STOX2: variants seen among roughly 807,000 people sequenced by gnomAD.
The protein encoded by STOX2 is storkhead-box protein 2.
In STOX2, 28 loss-of-function variants were observed where a neutral mutation model predicts 60.9. That is an observed-to-expected ratio of 0.46 (90% CI 0.34 to 0.63). The LOEUF is 0.63. Ranked by LOEUF, STOX2 falls within the 30% of genes least tolerant of loss-of-function variation. The pLI, the probability that STOX2 is intolerant of heterozygous loss-of-function variation, is 0.01. For missense variants in STOX2, 1,024 were observed against 1,187.7 expected (o/e 0.86, Z 2.03); for synonymous variants, 472 against 463.9 (o/e 1.02, Z -0.22).
upstream of STOX2, among the ~76,000 whole-genome samples, chr4:183,904,281 G>T (rs1354433048): frequency 6.6e-6 from 1 of 152,234 alleles, no homozygotes; most frequent in Non-Finnish European, 1.5e-5. Flanking sequence ...ACTAGAAGCT[G>T]CACGGGGTCC....
chr4:183,990,135 G>T (rs750722632), intron 1 of STOX2, among the ~76,000 whole-genome samples: 1 of 152,118 alleles, frequency 6.6e-6, no homozygotes. Flanking sequence ...GCTGAGTCAG[G>T]TTTAAAGGAT....
chr4:183,962,227 C>T (rs1436554631), intron 1 of STOX2, among the ~76,000 whole-genome samples: 1 of 152,184 alleles, frequency 6.6e-6, no homozygotes, highest in Non-Finnish European at 1.5e-5. Context: ...TTTGTTGACT[C>T]GCAGGCTGTA....
chr4:183,947,732 C>T (rs935872899), intron 1 of STOX2, among the ~76,000 whole-genome samples: 5 of 152,164 alleles, frequency 3.3e-5, no homozygotes, highest in Non-Finnish European at 7.3e-5. Flanking sequence ...CCTTCCTTGT[C>T]ATCTTCTCTG....
intron 1 of STOX2, among the ~76,000 whole-genome samples, chr4:183,910,823 G>T (rs2278474): frequency 0.55 from 83,649 of 152,070 alleles, 23,379 homozygotes; most frequent in Admixed American, 0.62. Context: ...AAGCAGTTTT[G>T]TCTGCTGGGG....
intron 1 of STOX2, among the ~76,000 whole-genome samples, chr4:183,925,496 A>G (rs984128121): frequency 6.6e-6 from 1 of 152,052 alleles, no homozygotes; most frequent in Non-Finnish European, 1.5e-5. Flanking sequence ...CCCCCGGCAC[A>G]CTTGCAAAGT....
chr4:183,951,539 C>T (rs1423695654), intron 1 of STOX2, among the ~76,000 whole-genome samples: 2 of 150,022 alleles, frequency 1.3e-5, no homozygotes, highest in Admixed American at 6.7e-5. Flanking sequence ...AAACCTCCAC[C>T]TCCCGGGTAC....
intron 1 of STOX2, among the ~76,000 whole-genome samples, chr4:183,844,935 A>G (rs1435443): frequency 0.99 from 150,112 of 152,304 alleles, 74,014 homozygotes; most frequent in Middle Eastern, 1. Flanking sequence ...ACATCATTAC[A>G]TCCTCATAAG....
chr4:184,004,217 T>A (rs1733718348), intron 2 of STOX2, among the ~76,000 whole-genome samples: 1 of 152,234 alleles, frequency 6.6e-6, no homozygotes, highest in Non-Finnish European at 1.5e-5. Flanking sequence ...GTATATTTTA[T>A]AAATCAAAAG....
intron 2 of STOX2, among the ~76,000 whole-genome samples, chr4:184,003,669 G>C (rs1404220840): frequency 1.3e-5 from 2 of 152,210 alleles, no homozygotes; most frequent in Admixed American, 6.5e-5. Context: ...ATTTGCTCAT[G>C]GATGGTCTTT....
At chr4:183,930,005 G>A (rs1436713484) in intron 1 of STOX2, among the ~76,000 whole-genome samples, 17 of 150,542 alleles carry the variant, frequency 1.1e-4, no homozygotes, top group South Asian at 6.4e-4. Context: ...CTGGGACTAT[G>A]GGCGCCCCTC....
intron 1 of STOX2, among the ~76,000 whole-genome samples, chr4:183,963,838 T>G (rs1379742818): frequency 1.3e-5 from 2 of 151,326 alleles, no homozygotes; most frequent in South Asian, 2.1e-4. Context: ...TGCAGTGGCA[T>G]GATCTCGGCT....
chr4:183,798,516 G>A lies in STOX2; in HGVS notation c.364+461G>A, dbSNP rs1018442039. ...GGAGCGGCGGCTCAGGTGCGCCCGG[G>A]ACGCCCTTCCCTGGGCGGCGACTGC... On this transcript the variant is annotated intron_variant, in intron 1 of 2. Transcript: ENST00000513034. 5 of 624,238 alleles carry A rather than the reference G, an allele frequency of 8.0e-6. No homozygotes were observed. In the African/African-American group the frequency reaches 1.0e-4, roughly 12 times the overall value. 38.7% of individuals were successfully genotyped at this position (624,238 alleles called of 1,614,324 possible).
rs142682987 is a variant in STOX2, at chr4:183,868,750, A to T, written c.364+70695A>T. Among the ~76,000 whole-genome samples, 89 of 152,370 alleles carry T rather than the reference A, an allele frequency of 5.8e-4. 2 individuals carry two copies. The East Asian group carries it at 0.011, about 18-fold the overall frequency. On this transcript the variant is annotated intron_variant, in intron 1 of 2. Transcript: ENST00000513034. Reference sequence around the variant, plus strand: ...CTTCATGGAATGCAGCAAGCTGTGTATAGCTCCTCGTAGCAAAACCTCAAA... The same window carrying T: ...CTTCATGGAATGCAGCAAGCTGTGTTTAGCTCCTCGTAGCAAAACCTCAAA...
At chr4:183,995,528 G>A (rs1026839557) in intron 1 of STOX2, among the ~76,000 whole-genome samples, 2 of 152,106 alleles carry the variant, frequency 1.3e-5, no homozygotes, top group African/African-American at 4.8e-5. Flanking sequence ...GGATGCGCTT[G>A]ATAAAGCTAT....
At chr4:183,854,552 TA>T (rs1364911110) in intron 1 of STOX2, among the ~76,000 whole-genome samples, 1 of 152,208 alleles carries the variant, frequency 6.6e-6, no homozygotes, top group Non-Finnish European at 1.5e-5. Flanking sequence ...TATTATTTTT[TA>T]TAAAAAGTAA....
chr4:183,834,548 C>T (rs969960297), intron 1 of STOX2, among the ~76,000 whole-genome samples: 5 of 152,058 alleles, frequency 3.3e-5, no homozygotes, highest in African/African-American at 9.7e-5. Flanking sequence ...GCATGGAACA[C>T]GCAGGTTCTG....
At chr4:183,805,852 G>C (rs1350206870) in intron 1 of STOX2, among the ~76,000 whole-genome samples, 3 of 152,184 alleles carry the variant, frequency 2.0e-5, no homozygotes, top group Non-Finnish European at 4.4e-5. Flanking sequence ...ACACTGGCGT[G>C]GGATGAGCTG....
At chr4:183,966,553 C>T (rs1743575505) in intron 1 of STOX2, among the ~76,000 whole-genome samples, 1 of 152,190 alleles carries the variant, frequency 6.6e-6, no homozygotes, top group Non-Finnish European at 1.5e-5. Flanking sequence ...AAGCCGTTCC[C>T]AGGGGTGGTG....
chr4:183,971,323 C>T (rs924837636), intron 1 of STOX2, among the ~76,000 whole-genome samples: 1 of 152,076 alleles, frequency 6.6e-6, no homozygotes, highest in African/African-American at 2.4e-5. Context: ...GTGTGTGTGA[C>T]GTGGATAGGA....
Sources: gnomAD v4.1 joint callset for allele counts (sites outside exome capture counted in the v4.1 genomes callset) on GRCh38, gnomAD v4.1.1 for gene constraint, MANE v1.5 for transcripts, NCBI Gene and HGNC (gene_info 2026-07-23, HGNC 2026-07-21) for gene names.